Variants in DYRK4 observed in about 807,000 individuals in gnomAD.
DYRK4 encodes the protein dual specificity tyrosine-phosphorylation-regulated kinase 4.
Under a neutral mutation model 68.3 loss-of-function variants are expected in DYRK4, and 64 were observed. The observed-to-expected ratio is 0.94, with a 90% CI of 0.77 to 1.15. The LOEUF is 1.15. Ranked by LOEUF, DYRK4 falls within the 50% of genes most tolerant of loss-of-function variation. The pLI, the probability that DYRK4 is intolerant of heterozygous loss-of-function variation, is 0.00. For synonymous variants in DYRK4, 274 were observed against 289.9 expected (o/e 0.95, Z 0.56); for missense variants, 740 against 764.7 (o/e 0.97, Z 0.38).
At chr12:4,577,329 T>A (rs1477661477) in intron 2 of DYRK4, among the ~76,000 whole-genome samples, 1 of 152,164 alleles carries the variant, frequency 6.6e-6, no homozygotes, top group African/African-American at 2.4e-5. Flanking sequence ...TCAGCCTCCT[T>A]GAGTAATTGG....
chr12:4,583,173 A>C lies in DYRK4; in HGVS notation c.133-5764A>C, dbSNP rs1464398640. 2.6e-5 allele frequency among the ~76,000 whole-genome samples: 4 copies of C among 152,156 alleles called. No individual in the cohort carries two copies. In the East Asian group the frequency reaches 7.7e-4, roughly 29 times the overall value. On this transcript the variant is annotated intron_variant, in intron 2 of 14. Transcript: ENST00000543431. Reference sequence around the variant, plus strand: ...TGCTCCATGACCGAGGCTAGAGTGCAGTGGCACCATCTCAGCTCACTGCAA... The same window carrying C: ...TGCTCCATGACCGAGGCTAGAGTGCCGTGGCACCATCTCAGCTCACTGCAA...
In DYRK4 at chr12:4,613,408, A is replaced by T; in HGVS notation, c.1667-107A>T. 1 of 1,394,374 alleles carries T rather than the reference A, an allele frequency of 7.2e-7. No individual in the cohort carries two copies. The highest frequency in any genetic ancestry group is 2.3e-5 in the East Asian group (1 of 42,612). The allele number at this position is 1,394,374 out of a possible 1,614,324, so 86.4% of individuals were successfully genotyped here. On this transcript the variant is annotated intron_variant, in intron 14 of 14. Coordinates refer to ENST00000543431, the MANE Select transcript of DYRK4 (RefSeq NM_001394779.1). This position sits in a 1 kb window ranked among gnomAD's most constrained non-coding sequence, Gnocchi z 4.0. ...TGCTTTACAAATGAACTGTTTTTAT[A>T]TCATCACGGTCATCGTTTCCACTAA...
chr12:4,607,094 T>C (rs1945161109), intron 11 of DYRK4, among the ~76,000 whole-genome samples: 1 of 152,198 alleles, frequency 6.6e-6, no homozygotes, highest in Non-Finnish European at 1.5e-5. Flanking sequence ...TTGGTGCTGA[T>C]GTTTGTGTAG....
chr12:4,613,747 T>C lies in DYRK4; in HGVS notation c.1899T>C (p.Ile633=), dbSNP rs1464257611. 1 of 1,555,710 alleles carries C rather than the reference T, an allele frequency of 6.4e-7. No homozygotes were observed. The highest frequency in any genetic ancestry group is 1.4e-5 in the African/African-American group (1 of 73,606). Reference sequence around the variant, plus strand: ...AGAACACAAACGTTTTACCCCCTATTGTATGACCTTTGCTGAGGGTATGTC... The same window carrying C: ...AGAACACAAACGTTTTACCCCCTATCGTATGACCTTTGCTGAGGGTATGTC... ...SLKNTNVLPP[I]V is the part of the protein sequence containing the mutation. Residue 633 remains isoleucine (I), a synonymous_variant, in exon 15 of 15, where the codon ATT becomes ATC. Coordinates refer to ENST00000543431, the MANE Select transcript of DYRK4 (RefSeq NM_001394779.1). This position sits in a 1 kb window ranked among gnomAD's most constrained non-coding sequence, Gnocchi z 4.0.
At chr12:4,562,703 A>G (rs1438664962) in intron 1 of DYRK4, among the ~76,000 whole-genome samples, 2 of 152,200 alleles carry the variant, frequency 1.3e-5, no homozygotes, top group African/African-American at 4.8e-5. Flanking sequence ...GTCCACGACC[A>G]CACGCCTCGC....
At chr12:4,605,837 TTGG>T (rs1845190130) in intron 11 of DYRK4, among the ~76,000 whole-genome samples, 1 of 151,006 alleles carries the variant, frequency 6.6e-6, no homozygotes, top group Admixed American at 6.6e-5. Flanking sequence ...TTCCAATTGC[TTGG>T]TGGTGTAGAT....
intron 2 of DYRK4, 111 bp from the exon 3 acceptor site, chr12:4,588,826 T>TGG (rs1944923999): frequency 3.1e-6 from 3 of 981,014 alleles, no homozygotes; most frequent in Non-Finnish European, 4.6e-6. Flanking sequence ...CAGCTAAGGA[T>TGG]TCAGGAGAGC....
At position 4,599,691 on chromosome 12, in the gene DYRK4, C is replaced by A; in HGVS notation, c.1045-16C>A. ...CGCATTACTGTAGCTTGACATATGT[C>A]TTTTCTTCTCTCTAGGAAAATATAG... On this transcript the variant is annotated splice_polypyrimidine_tract_variant and intron_variant, in intron 9 of 14. Coordinates refer to ENST00000543431, the MANE Select transcript of DYRK4 (RefSeq NM_001394779.1). The A allele has an allele frequency of 6.2e-7, 1 of 1,605,610 alleles. No homozygotes were observed. Among genetic ancestry groups the A allele is most frequent in the Non-Finnish European group, 8.5e-7 (1 of 1,173,092 alleles).
intron 1 of DYRK4, chr12:4,563,163 C>A (rs577608138): frequency 1.8e-5 from 8 of 456,026 alleles, no homozygotes; most frequent in Non-Finnish European, 3.5e-5. Flanking sequence ...GATTTGATCA[C>A]CTACATGTGG....
chr12:4,564,224 A>G (rs961795922), intron 1 of DYRK4, among the ~76,000 whole-genome samples: 4 of 152,172 alleles, frequency 2.6e-5, no homozygotes, highest in African/African-American at 7.2e-5. Flanking sequence ...ACAATAGTAA[A>G]CAATAATCTA....
At position 4,596,280 on chromosome 12, in the gene DYRK4, G is replaced by A. The variant is rs1325987460; in HGVS notation, c.759G>A (p.Lys253=). ...ELVALKIIRN[K]KRFHQQALME... Reference sequence around the variant, plus strand: ...TGGCCCTGAAAATCATCAGGAACAAGAAGAGGTGTGGCTTGGGGATGACAT... The same window carrying A: ...TGGCCCTGAAAATCATCAGGAACAAAAAGAGGTGTGGCTTGGGGATGACAT... The change falls in exon 7 of 15, where the codon AAG becomes AAA. Residue 253 remains lysine (K), a synonymous_variant. Transcript: ENST00000543431. 6 of 1,614,196 alleles carry A rather than the reference G, an allele frequency of 3.7e-6. No homozygotes were observed. The highest frequency in any genetic ancestry group is 5.1e-6 in the Non-Finnish European group (6 of 1,180,042).
In DYRK4 at chr12:4,590,367, A is replaced by G. The variant is rs1165650729; in HGVS notation, c.251A>G (p.Lys84Arg). The change falls in exon 4 of 15, where the codon AAG becomes AGG. Residue 84 changes from lysine to arginine, a missense_variant. Coordinates refer to ENST00000543431, the MANE Select transcript of DYRK4 (RefSeq NM_001394779.1). ...SVTSLPFVDT[K>R]GKKNTVSFPH... ...ACTTCACTCCCCTTTGTGGACACCA[A>G]GGGGAAGAAGAATACGGTAAGCTTC... The G allele has an allele frequency of 2.6e-6, 4 of 1,535,728 alleles. No individual in the cohort carries two copies. The highest frequency in any genetic ancestry group is 2.0e-5 in the Admixed American group (1 of 50,942).
At chr12:4,585,323 AG>A (rs1413639300) in intron 2 of DYRK4, among the ~76,000 whole-genome samples, 1 of 152,148 alleles carries the variant, frequency 6.6e-6, no homozygotes, top group East Asian at 1.9e-4. Flanking sequence ...CACTCTCTCA[AG>A]GGTCTCATGG....
intron 1 of DYRK4, among the ~76,000 whole-genome samples, chr12:4,566,797 G>C (rs1944681607): frequency 6.6e-6 from 1 of 152,136 alleles, no homozygotes; most frequent in African/African-American, 2.4e-5. Context: ...TTTTCATATT[G>C]TCTGTATGTG....
At position 4,591,369 on chromosome 12, in the gene DYRK4, G is replaced by A. The variant is rs1043309080; in HGVS notation, c.463+71G>A. 12 of 1,553,150 alleles carry A rather than the reference G, an allele frequency of 7.7e-6. No homozygotes were observed. Among genetic ancestry groups the A allele is most frequent in the East Asian group, 6.8e-5 (3 of 44,432 alleles). On this transcript the variant is annotated intron_variant, in intron 5 of 14. Coordinates refer to ENST00000543431, the MANE Select transcript of DYRK4 (RefSeq NM_001394779.1). The surrounding 1 kb of genome is among the most constrained non-coding windows in gnomAD (Gnocchi z 4.1). ...GTCGGGGTGTTAAGAGCTAAGCTGC[G>A]CTGGAGTGAGCTAAGCTGCCAGGTG...
chr12:4,585,043 T>C (rs1944881280), intron 2 of DYRK4, among the ~76,000 whole-genome samples: 1 of 152,176 alleles, frequency 6.6e-6, no homozygotes, highest in African/African-American at 2.4e-5. Flanking sequence ...GACTTGAGAC[T>C]GGAGCACCCC....
chr12:4,596,759 T>A, intron 8 of DYRK4, 30 bp downstream of exon 8: 1 of 1,610,922 alleles, frequency 6.2e-7, no homozygotes, highest in Non-Finnish European at 8.5e-7. Flanking sequence ...TAACTCATTT[T>A]CTCTGGAAAA....
chr12:4,592,238 A>G (rs1197185836), intron 5 of DYRK4, among the ~76,000 whole-genome samples: 2 of 152,238 alleles, frequency 1.3e-5, no homozygotes, highest in Admixed American at 6.5e-5. Flanking sequence ...GGCAAAGAAC[A>G]TGCCTTATTC....
intron 2 of DYRK4, among the ~76,000 whole-genome samples, chr12:4,580,270 A>G (rs1944828731): frequency 6.6e-6 from 1 of 152,136 alleles, no homozygotes; most frequent in African/African-American, 2.4e-5. Flanking sequence ...CAGGGAGGCT[A>G]CTACATCAAC....
Sources: allele counts gnomAD v4.1 joint callset (sites outside exome capture counted in the v4.1 genomes callset), GRCh38; gene constraint gnomAD v4.1.1; non-coding constraint Gnocchi (gnomAD v3.1); transcripts MANE v1.5; gene names NCBI Gene and HGNC (gene_info 2026-07-23, HGNC 2026-07-21).